Variants in SLC22A4 observed in about 807,000 individuals in gnomAD.
SLC22A4 encodes solute carrier family 22 member 4, also known as ET transporter.
A neutral mutation model predicts 56.6 loss-of-function variants in SLC22A4; 39 were observed. The ratio of observed to expected loss-of-function variants is 0.69; its 90% confidence interval spans 0.53 to 0.90. The LOEUF is 0.90. Among genes scored for constraint, SLC22A4 ranks in the 40% least tolerant of loss-of-function variants. The pLI is 0.00. For synonymous variants in SLC22A4, 241 were observed against 281.4 expected, an observed-to-expected ratio of 0.86 and a Z score of 1.44; for missense variants, 594 against 696.5, an observed-to-expected ratio of 0.85 and a Z score of 1.66.
intron 4 of SLC22A4, among the ~76,000 whole-genome samples, chr5:132,326,611 A>C (rs1412115512): frequency 6.6e-6 from 1 of 152,272 alleles, no homozygotes; most frequent in East Asian, 1.9e-4. Flanking sequence ...ACTGTGTTTG[A>C]GCATCAGCTA....
intron 3 of SLC22A4, among the ~76,000 whole-genome samples, chr5:132,318,860 G>A (rs983899357): frequency 3.9e-5 from 6 of 152,102 alleles, no homozygotes; most frequent in South Asian, 2.1e-4. Flanking sequence ...TAGAGCATAG[G>A]GGGCCAGGAC....
chr5:132,297,731 G>A (rs1254576846), intron 1 of SLC22A4, among the ~76,000 whole-genome samples: 1 of 151,680 alleles, frequency 6.6e-6, no homozygotes, highest in Admixed American at 6.6e-5. Flanking sequence ...GATTGCTAGG[G>A]GGCAGGAGTT....
At chr5:132,320,743 C>T (rs570522331) in intron 3 of SLC22A4, 1 of 152,346 alleles carries the variant, frequency 6.6e-6, no homozygotes, top group African/African-American at 2.4e-5. Context: ...AATTTTGCTG[C>T]TTCTCTGGAA....
chr5:132,313,821 C>T lies in SLC22A4; in HGVS notation c.652+53C>T, dbSNP rs1750255680. ...GCTTCCCTCTAACCCTCTGAAAGGCCCAGAAAGAGGAAATCATTGGGCCAT... is the reference window on the plus strand; with the variant it reads ...GCTTCCCTCTAACCCTCTGAAAGGCTCAGAAAGAGGAAATCATTGGGCCAT... On this transcript the variant is annotated intron_variant, in intron 3 of 9. Transcript: ENST00000200652. The T allele has an allele frequency of 2.6e-6, 4 of 1,567,594 alleles. No homozygotes were observed. In the South Asian group the frequency reaches 4.4e-5, roughly 17 times the overall value.
In SLC22A4 at chr5:132,294,519, C is replaced by A; in HGVS notation, c.-98C>A. On this transcript the variant is annotated 5_prime_UTR_variant, in exon 1 of 10. Coordinates refer to ENST00000200652, the MANE Select transcript of SLC22A4 (RefSeq NM_003059.3). The surrounding 1 kb of genome is among the most constrained non-coding windows in gnomAD (Gnocchi z 5.6). ...TAACAGCCTGCCTGTCCCCCGGGAA[C>A]GTTCTAACATCCTTGGGGAGCGCCC... 3 of 1,540,970 alleles carry A rather than the reference C, an allele frequency of 1.9e-6. No homozygotes were observed. The highest frequency in any genetic ancestry group is 2.3e-5 in the East Asian group (1 of 44,240).
At chr5:132,295,652 C>T (rs1287648419) in intron 1 of SLC22A4, 7 of 222,718 alleles carry the variant, frequency 3.1e-5, no homozygotes, top group African/African-American at 4.6e-5. Flanking sequence ...TGTAGCCCCT[C>T]AGCACCCTGC....
In SLC22A4 at chr5:132,304,446, A is replaced by T. The variant is rs544526951; in HGVS notation, c.394-7715A>T. ...AGCCTGGCTAATGTGGGGAAACCCC[A>T]TCTCTACTAAAAATACAAAAATTAG... On this transcript the variant is annotated intron_variant, in intron 1 of 9. Coordinates refer to ENST00000200652, the MANE Select transcript of SLC22A4 (RefSeq NM_003059.3). Among the ~76,000 whole-genome samples the T allele has an allele frequency of 3.3e-5, 5 of 152,264 alleles. 1 individual carries two copies. The South Asian group carries it at 1.0e-3, about 32-fold the overall frequency.
chr5:132,327,576 A>T (rs1236586445), intron 5 of SLC22A4, among the ~76,000 whole-genome samples, 173 bp downstream of exon 5: 2 of 152,258 alleles, frequency 1.3e-5, no homozygotes, highest in South Asian at 4.1e-4. Flanking sequence ...AGGGCTGTTT[A>T]TAAGAATTAA....
intron 1 of SLC22A4, chr5:132,311,912 C>T (rs1246107704): frequency 1.7e-6 from 1 of 583,318 alleles, no homozygotes; most frequent in East Asian, 2.9e-5. Context: ...AGGAGCATCA[C>T]CCTCCCTTTC....
intron 4 of SLC22A4, among the ~76,000 whole-genome samples, chr5:132,324,065 G>A (rs757703296): frequency 1.3e-5 from 2 of 152,054 alleles, no homozygotes; most frequent in East Asian, 1.9e-4. Flanking sequence ...AGTGGTGAGC[G>A]CCTGTAGTCC....
chr5:132,325,215 G>A (rs188624770), intron 4 of SLC22A4, among the ~76,000 whole-genome samples: 2 of 152,330 alleles, frequency 1.3e-5, no homozygotes, highest in African/African-American at 4.8e-5. Flanking sequence ...CCCCATCCAT[G>A]AGGTATATCG....
At chr5:132,329,212 T>A (rs1750784874) in intron 5 of SLC22A4, among the ~76,000 whole-genome samples, 1 of 152,092 alleles carries the variant, frequency 6.6e-6, no homozygotes, top group South Asian at 2.1e-4. Context: ...AATGCTAGGA[T>A]TACAGATGTG....
intron 5 of SLC22A4, among the ~76,000 whole-genome samples, chr5:132,328,903 G>GTGTGTATATATATATA (rs1180080096): frequency 4.1e-5 from 4 of 96,440 alleles, no homozygotes; most frequent in African/African-American, 2.0e-4. Flanking sequence ...GTGTGTATGT[G>GTGTGTATATATATATA]TATATATATA....
intron 1 of SLC22A4, among the ~76,000 whole-genome samples, chr5:132,305,607 A>G (rs1378079361): frequency 6.6e-6 from 1 of 152,234 alleles, no homozygotes; most frequent in African/African-American, 2.4e-5. Flanking sequence ...ACTTCTCATT[A>G]GAAACCATAA....
intron 2 of SLC22A4, 121 bp from the exon 3 acceptor site, chr5:132,313,492 GA>G: frequency 5.8e-6 from 5 of 861,570 alleles, no homozygotes; most frequent in South Asian, 1.3e-5. Flanking sequence ...GGATGTGACA[GA>G]GAAAAAAGTC....
intron 3 of SLC22A4, among the ~76,000 whole-genome samples, chr5:132,318,862 G>T (rs908418458): frequency 6.6e-6 from 1 of 152,078 alleles, no homozygotes; most frequent in Admixed American, 6.5e-5. Flanking sequence ...GAGCATAGGG[G>T]GCCAGGACAG....
chr5:132,312,814 C>T (rs1342739431), intron 2 of SLC22A4, among the ~76,000 whole-genome samples: 5 of 152,150 alleles, frequency 3.3e-5, no homozygotes, highest in East Asian at 3.9e-4. Context: ...TTCCACAGGC[C>T]CCTGTATGTG....
chr5:132,295,038 G>C, intron 1 of SLC22A4, 29 bp downstream of exon 1: 1 of 1,589,894 alleles, frequency 6.3e-7, no homozygotes, highest in Non-Finnish European at 8.6e-7. Context: ...CCGTTGACCC[G>C]GGAGTGCCTG....
At position 132,343,773 on chromosome 5, in the gene SLC22A4, A is replaced by G; in HGVS notation, c.1594A>G (p.Lys532Glu). Reference protein sequence around the residue: ...MQKVKWFRSGKKTRDSMETEE... With the variant: ...MQKVKWFRSGEKTRDSMETEE... ...TTTTATTTTCAGGTTCAGATCTGGG[A>G]AAAAAACAAGAGACTCAATGGAGAC... The change falls in exon 10 of 10, where the codon AAA becomes GAA. Residue 532 changes from lysine to glutamate, a missense_variant. Lys to Glu is a moderately conservative substitution (Grantham distance 56). Transcript: ENST00000200652. The G allele has an allele frequency of 1.9e-6, 3 of 1,605,000 alleles. No homozygotes were observed. The highest frequency in any genetic ancestry group is 2.6e-6 in the Non-Finnish European group (3 of 1,172,098).
Sources: gnomAD v4.1 joint callset for allele counts (sites outside exome capture counted in the v4.1 genomes callset) on GRCh38, gnomAD v4.1.1 for gene constraint, Gnocchi (gnomAD v3.1) non-coding constraint, MANE v1.5 for transcripts, NCBI Gene and HGNC (gene_info 2026-07-23, HGNC 2026-07-21) for gene names.